TMIGD3: variants seen among roughly 807,000 people sequenced by gnomAD.
TMIGD3 encodes transmembrane and immunoglobulin domain containing 3.
Under a neutral mutation model 28.1 loss-of-function variants are expected in TMIGD3, and 21 were observed. That is an observed-to-expected ratio of 0.75 (90% confidence interval 0.53 to 1.08). TMIGD3 has a LOEUF of 1.08. Among genes scored for constraint, TMIGD3 ranks in the 50% least tolerant of loss-of-function variants. The probability of loss-of-function intolerance (pLI) is 0.00; values close to 1 mark genes in which losing one functional copy is unlikely to be tolerated. For missense variants in TMIGD3, 416 were observed against 435.6 expected (o/e 0.96, Z 0.40); for synonymous variants, 151 against 162.1 (o/e 0.93, Z 0.52).
At chr1:111,547,352 A>AT (rs746696530) in intron 1 of TMIGD3, among the ~76,000 whole-genome samples, 4 of 151,954 alleles carry the variant, frequency 2.6e-5, no homozygotes, top group African/African-American at 7.2e-5. Flanking sequence ...TGAGATGATG[A>AT]TTTTTTTCCC....
intron 1 of TMIGD3, among the ~76,000 whole-genome samples, chr1:111,553,121 C>T (rs1366472821): frequency 6.6e-6 from 1 of 152,178 alleles, no homozygotes; most frequent in Non-Finnish European, 1.5e-5. Flanking sequence ...CATGTTTCTT[C>T]CCATCTTGTA....
intron 1 of TMIGD3, among the ~76,000 whole-genome samples, chr1:111,556,780 C>T (rs969982858): frequency 1.6e-4 from 24 of 151,998 alleles, no homozygotes; most frequent in African/African-American, 2.4e-4. Context: ...TAAAGCTTTA[C>T]TCTGGGAAGC....
chr1:111,521,834 C>T (rs1656070704), intron 1 of TMIGD3, among the ~76,000 whole-genome samples: 1 of 152,152 alleles, frequency 6.6e-6, no homozygotes, highest in Non-Finnish European at 1.5e-5. Context: ...CTTTGCCAAA[C>T]CCAAGGCCAC....
Position 111,503,505 on chromosome 1 carries a change from C to A in TMIGD3, c.-151G>T, listed in dbSNP as rs1370289079. The A allele has an allele frequency of 1.4e-6, 2 of 1,439,368 alleles. No individual in the cohort carries two copies. The highest frequency in any genetic ancestry group is 1.8e-6 in the Non-Finnish European group (2 of 1,097,956). 89.2% of individuals were successfully genotyped at this position (1,439,368 alleles called of 1,614,324 possible). ...CCAACTTGCTCATTCCTACCCTTTT[C>A]TGGTGGGGTGATCTCTTGGAAACCC... On this transcript the variant is annotated 5_prime_UTR_variant, in exon 1 of 6. Coordinates refer to ENST00000369716, the MANE Select transcript of TMIGD3 (RefSeq NM_020683.7).
chr1:111,499,229 T>C (rs1223574775), intron 1 of TMIGD3, among the ~76,000 whole-genome samples: 1 of 152,216 alleles, frequency 6.6e-6, no homozygotes, highest in Non-Finnish European at 1.5e-5. Context: ...TAGGATTCTT[T>C]CTCTCACAAT....
chr1:111,557,677 A>T (rs139533103), intron 1 of TMIGD3, among the ~76,000 whole-genome samples: 25 of 152,346 alleles, frequency 1.6e-4, no homozygotes, highest in African/African-American at 5.3e-4. Flanking sequence ...GATATCAGAA[A>T]AAAGGTTTGA....
chr1:111,501,920 A>C (rs1221065262), intron 1 of TMIGD3, among the ~76,000 whole-genome samples: 1 of 151,148 alleles, frequency 6.6e-6, no homozygotes, highest in African/African-American at 2.4e-5. Flanking sequence ...AGTTCGTTCT[A>C]TTCATATGGT....
chr1:111,548,155 G>A (rs1389202835), intron 1 of TMIGD3, among the ~76,000 whole-genome samples: 1 of 152,174 alleles, frequency 6.6e-6, no homozygotes, highest in Non-Finnish European at 1.5e-5. Flanking sequence ...TGAGCAGCTG[G>A]AACTACAGGC....
chr1:111,492,651 T>C (rs970742582), intron 1 of TMIGD3, among the ~76,000 whole-genome samples: 7 of 151,868 alleles, frequency 4.6e-5, no homozygotes, highest in Non-Finnish European at 1.0e-4. Flanking sequence ...CCATCTCTAC[T>C]ATAAATACAA....
chr1:111,553,352 G>C (rs1657348882), intron 1 of TMIGD3, among the ~76,000 whole-genome samples: 1 of 152,182 alleles, frequency 6.6e-6, no homozygotes, highest in Admixed American at 6.5e-5. Flanking sequence ...TCACCTCTGT[G>C]GAATTTGAGG....
chr1:111,523,103 G>C (rs1656135139), intron 1 of TMIGD3, among the ~76,000 whole-genome samples: 1 of 152,154 alleles, frequency 6.6e-6, no homozygotes, highest in Non-Finnish European at 1.5e-5. Flanking sequence ...CATTAACTAT[G>C]ATGTTTGTTG....
intron 1 of TMIGD3, among the ~76,000 whole-genome samples, chr1:111,509,138 C>T (rs958855240): frequency 6.6e-6 from 1 of 152,212 alleles, no homozygotes; most frequent in African/African-American, 2.4e-5. Context: ...GGGAGCCCAG[C>T]TCCTGGTCTC....
At chr1:111,500,101 AG>A in intron 1 of TMIGD3, 1 of 1,614,194 alleles carries the variant, frequency 6.2e-7, no homozygotes. Context: ...ATGGGACAGC[AG>A]GATGCCCATG....
intron 1 of TMIGD3, among the ~76,000 whole-genome samples, chr1:111,529,376 C>CTTTT (rs1016199558): frequency 3.0e-5 from 3 of 101,242 alleles, no homozygotes; most frequent in African/African-American, 3.0e-5. Flanking sequence ...TTCTTTCTTT[C>CTTTT]TTTTTTTTTT....
intron 1 of TMIGD3, among the ~76,000 whole-genome samples, chr1:111,514,483 G>C (rs1655792928): frequency 6.6e-6 from 1 of 152,084 alleles, no homozygotes; most frequent in Non-Finnish European, 1.5e-5. Flanking sequence ...AAGCCTGGGA[G>C]GTTGAGGCTG....
chr1:111,515,897 T>C (rs957325661), intron 1 of TMIGD3, among the ~76,000 whole-genome samples: 2 of 151,890 alleles, frequency 1.3e-5, no homozygotes, highest in Non-Finnish European at 2.9e-5. Flanking sequence ...CTCGCAGAGG[T>C]CAGCACAGCC....
At chr1:111,554,958 C>T (rs7544433) in intron 1 of TMIGD3, among the ~76,000 whole-genome samples, 4,107 of 151,740 alleles carry the variant, frequency 0.027, 170 homozygotes, top group African/African-American at 0.093. Context: ...AGTGACCTAC[C>T]GAGACTTTAA....
At chr1:111,494,451 T>C (rs1191595404) in intron 1 of TMIGD3, among the ~76,000 whole-genome samples, 1 of 152,122 alleles carries the variant, frequency 6.6e-6, no homozygotes, top group African/African-American at 2.4e-5. Flanking sequence ...AGGAATGCAA[T>C]CCCATTCACA....
intron 5 of TMIGD3, among the ~76,000 whole-genome samples, chr1:111,484,782 A>G (rs1654280994): frequency 6.6e-6 from 1 of 152,152 alleles, no homozygotes; most frequent in African/African-American, 2.4e-5. Flanking sequence ...TTCCATACCC[A>G]AGGGAGGTTG....
Sources: allele counts gnomAD v4.1 joint callset (sites outside exome capture counted in the v4.1 genomes callset), GRCh38; gene constraint gnomAD v4.1.1; transcripts MANE v1.5; gene names NCBI Gene and HGNC (gene_info 2026-07-23, HGNC 2026-07-21).